The following GRIN2A variants were observed in gnomAD, a reference collection of about 807,000 sequenced individuals.
The protein encoded by GRIN2A is glutamate ionotropic receptor NMDA type subunit 2A.
Under a neutral mutation model 113.4 loss-of-function variants are expected in GRIN2A, and 22 were observed. The ratio of observed to expected loss-of-function variants is 0.19; its 90% CI spans 0.14 to 0.28. GRIN2A has a LOEUF of 0.28. Among genes scored for constraint, GRIN2A ranks in the 10% least tolerant of loss-of-function variants. The probability of loss-of-function intolerance (pLI) is 1.00; values close to 1 mark genes in which losing one functional copy is unlikely to be tolerated. For synonymous variants in GRIN2A, 827 were observed against 738.4 expected, an observed-to-expected ratio of 1.12 and a Z score of -1.94; for missense variants, 1,502 against 1,887.0, an observed-to-expected ratio of 0.80 and a Z score of 3.78.
At chr16:10,111,569 C>T in intron 2 of GRIN2A, 1 of 848,670 alleles carries the variant, frequency 1.2e-6, no homozygotes, top group Non-Finnish European at 2.0e-6. Flanking sequence ...ATGCTGAAGA[C>T]ACCACTGATC....
At chr16:9,844,174 C>T (rs966594133) in intron 5 of GRIN2A, among the ~76,000 whole-genome samples, 3 of 152,160 alleles carry the variant, frequency 2.0e-5, no homozygotes, top group Non-Finnish European at 4.4e-5. Context: ...TTCAAGGTCA[C>T]AGGCATATAG....
At chr16:10,055,046 T>TAAAAAAAAAAAAAAAAAAAAAAAAAAA (rs1567266287) in intron 2 of GRIN2A, among the ~76,000 whole-genome samples, 2 of 12,492 alleles carry the variant, frequency 1.6e-4, no homozygotes, top group African/African-American at 3.2e-4. Flanking sequence ...AGACTCTATC[T>TAAAAAAAAAAAAAAAAAAAAAAAAAAA]CAAAAAAAAA....
intron 2 of GRIN2A, among the ~76,000 whole-genome samples, chr16:9,988,218 T>C (rs1332939333): frequency 6.6e-6 from 1 of 151,860 alleles, no homozygotes; most frequent in Admixed American, 6.6e-5. Flanking sequence ...GATGTCAAGA[T>C]GTCTGGGGAG....
chr16:10,095,993 C>T (rs1220130211), intron 2 of GRIN2A, among the ~76,000 whole-genome samples: 1 of 152,174 alleles, frequency 6.6e-6, no homozygotes, highest in Admixed American at 6.5e-5. Flanking sequence ...TATATCTACT[C>T]ATGACACAAG....
intron 2 of GRIN2A, among the ~76,000 whole-genome samples, chr16:9,963,992 A>T (rs566320592): frequency 9.2e-5 from 14 of 152,346 alleles, no homozygotes; most frequent in African/African-American, 3.4e-4. Context: ...CGCACCATGC[A>T]GTAAGTGCTG....
At chr16:9,958,874 C>A (rs1445931787) in intron 2 of GRIN2A, among the ~76,000 whole-genome samples, 1 of 152,162 alleles carries the variant, frequency 6.6e-6, no homozygotes, top group Non-Finnish European at 1.5e-5. Flanking sequence ...TGATACATCC[C>A]TTGTGCTGGC....
chr16:9,832,830 T>C (rs2042519912), intron 8 of GRIN2A, among the ~76,000 whole-genome samples: 1 of 152,204 alleles, frequency 6.6e-6, no homozygotes, highest in South Asian at 2.1e-4. Context: ...TGGCATTGTT[T>C]AGTATCTGGT....
At chr16:10,012,600 G>A (rs1374324220) in intron 2 of GRIN2A, among the ~76,000 whole-genome samples, 2 of 152,236 alleles carry the variant, frequency 1.3e-5, no homozygotes, top group African/African-American at 4.8e-5. Context: ...CTGTGAATAT[G>A]TTACCTTACA....
chr16:10,055,555 A>C (rs867017047), intron 2 of GRIN2A, among the ~76,000 whole-genome samples: 1 of 152,246 alleles, frequency 6.6e-6, no homozygotes, highest in Non-Finnish European at 1.5e-5. Context: ...CAGACAAAAC[A>C]TCTGGGAAGA....
intron 2 of GRIN2A, among the ~76,000 whole-genome samples, chr16:10,139,419 G>T (rs1429741948): frequency 6.6e-6 from 1 of 152,154 alleles, no homozygotes; most frequent in African/African-American, 2.4e-5. Context: ...ACAGAAAATA[G>T]ATCAAATTAA....
At chr16:9,778,733 G>C (rs1229747013) in intron 11 of GRIN2A, among the ~76,000 whole-genome samples, 1 of 152,108 alleles carries the variant, frequency 6.6e-6, no homozygotes, top group Non-Finnish European at 1.5e-5. Flanking sequence ...TCCTATCCAT[G>C]ACCAGGGGAT....
chr16:10,049,273 C>A (rs577116891), intron 2 of GRIN2A, among the ~76,000 whole-genome samples: 3,613 of 152,186 alleles, frequency 0.024, 159 homozygotes, highest in African/African-American at 0.083. Context: ...TTTAAATGCT[C>A]TGTGTTTACT....
chr16:9,791,758 G>T (rs189933058), intron 11 of GRIN2A, among the ~76,000 whole-genome samples: 3 of 151,792 alleles, frequency 2.0e-5, no homozygotes, highest in African/African-American at 7.3e-5. Flanking sequence ...GTCCCCTGCC[G>T]TCAAAAGCTA....
At chr16:9,998,216 G>A (rs1399573521) in intron 2 of GRIN2A, among the ~76,000 whole-genome samples, 2 of 152,036 alleles carry the variant, frequency 1.3e-5, no homozygotes, top group Admixed American at 6.6e-5. Flanking sequence ...ATGGCACTGC[G>A]ATTGATATTT....
At chr16:10,139,840 T>TAC (rs34123500) in intron 2 of GRIN2A, among the ~76,000 whole-genome samples, 1 of 42,396 alleles carries the variant, frequency 2.4e-5, no homozygotes, top group South Asian at 1.8e-3. Context: ...AAATAATTTT[T>TAC]TTTTTTGAAG....
At chr16:10,182,692 C>G (rs923378652), upstream of GRIN2A, 1 of 152,318 alleles carries the variant, frequency 6.6e-6, no homozygotes, top group Non-Finnish European at 1.5e-5. Context: ...AGTGGCCGCT[C>G]CTGGTCATCT....
In GRIN2A at chr16:10,102,281, C is replaced by T. The variant is rs180883525; in HGVS notation, c.414+77717G>A. Among the ~76,000 whole-genome samples the T allele has an allele frequency of 2.0e-3, 305 of 152,338 alleles. 5 individuals carry two copies. The highest frequency in any genetic ancestry group is 0.019 in the Admixed American group (298 of 15,304). On this transcript the variant is annotated intron_variant, in intron 2 of 12. Coordinates refer to ENST00000330684, the MANE Select transcript of GRIN2A (RefSeq NM_001134407.3). ...ATAACCCTGGTAATGAGTGAGCTCT[C>T]GCTCTTAGTTCACATGAGATTTGGT...
chr16:10,066,681 C>G (rs760252150), intron 2 of GRIN2A, among the ~76,000 whole-genome samples: 1 of 152,176 alleles, frequency 6.6e-6, no homozygotes, highest in Non-Finnish European at 1.5e-5. Flanking sequence ...AGCTGCCCCT[C>G]CCAGTGTTTG....
Position 10,023,990 on chromosome 16 carries a change from G to A in GRIN2A, c.415-85439C>T, listed in dbSNP as rs1036011340. 3.3e-5 allele frequency among the ~76,000 whole-genome samples: 5 copies of A among 152,164 alleles called. No individual in the cohort carries two copies. The South Asian group carries it at 6.2e-4, about 19-fold the overall frequency. ...TTGTGCCTCTTGTTCAGAAGAACAG[G>A]TTGGGGCTTAGAGAGGTTAAATGAC... On this transcript the variant is annotated intron_variant, in intron 2 of 12. Transcript: ENST00000330684.
Sources: gnomAD v4.1 joint callset for allele counts (sites outside exome capture counted in the v4.1 genomes callset) on GRCh38, gnomAD v4.1.1 for gene constraint, MANE v1.5 for transcripts, NCBI Gene and HGNC (gene_info 2026-07-23, HGNC 2026-07-21) for gene names.